SULT6B1: variants seen among roughly 807,000 people sequenced by gnomAD.
The protein encoded by SULT6B1 is sulfotransferase 6B1.
Under a neutral mutation model 37.2 loss-of-function variants are expected in SULT6B1, and 44 were observed. That is an observed-to-expected ratio of 1.18 (90% CI 0.93 to 1.52). The LOEUF is 1.52. SULT6B1 is among the 40% of genes most tolerant of loss of function. SULT6B1 has a pLI of 0.00. For missense variants in SULT6B1, 450 were observed against 361.0 expected (o/e 1.25, Z -2.00); for synonymous variants, 140 against 126.0 (o/e 1.11, Z -0.74).
At chr2:37,171,036 A>G (rs922630550) in intron 6 of SULT6B1, among the ~76,000 whole-genome samples, 1 of 152,174 alleles carries the variant, frequency 6.6e-6, no homozygotes, top group Non-Finnish European at 1.5e-5. Context: ...CAGGAGATCA[A>G]GACCATCCTG....
At chr2:37,189,838 A>G (rs905357778), upstream of SULT6B1, 2 of 152,212 alleles carry the variant, frequency 1.3e-5, no homozygotes, top group African/African-American at 4.8e-5. Flanking sequence ...TGGCTAAAAC[A>G]GTAAGTTGAT....
At chr2:37,170,277 G>A (rs1012353335) in intron 6 of SULT6B1, among the ~76,000 whole-genome samples, 2 of 151,328 alleles carry the variant, frequency 1.3e-5, no homozygotes, top group Non-Finnish European at 2.9e-5. Context: ...GACCAGTCTG[G>A]CCAACATGGT....
In SULT6B1 at chr2:37,188,635, A is replaced by G; in HGVS notation, c.6T>C (p.Ala2=). Residue 2 remains alanine (A), a synonymous_variant, in exon 1 of 7, where the codon GCT becomes GCC. Transcript: ENST00000535679. ...TGTATTCAATAAATTTGGATTTATC[A>G]GCCATGGTGGCTCCCTGTAAAAGAA... is the stretch of plus-strand genomic sequence containing the variant. M[A]DKSKFIEYID... is the part of the protein sequence containing the mutation. 8.3e-7 allele frequency: 1 copy of G among 1,211,622 alleles called. No individual in the cohort carries two copies. Among genetic ancestry groups the G allele is most frequent in the Non-Finnish European group, 1.2e-6 (1 of 827,368 alleles). The allele number at this position is 1,211,622 out of a possible 1,614,324, so 75.1% of individuals were successfully genotyped here.
intron 3 of SULT6B1, 134 bp downstream of exon 3, chr2:37,183,290 CA>C: frequency 2.9e-6 from 2 of 691,244 alleles, no homozygotes; most frequent in Non-Finnish European, 2.4e-6. Context: ...AAGAAAGAAA[CA>C]AAAACAAAAA....
At chr2:37,182,340 G>T (rs1558449345) in intron 3 of SULT6B1, among the ~76,000 whole-genome samples, 1 of 150,966 alleles carries the variant, frequency 6.6e-6, no homozygotes, top group Admixed American at 6.6e-5. Context: ...TGCAACGTCC[G>T]CCTCTCAGAT....
intron 3 of SULT6B1, among the ~76,000 whole-genome samples, chr2:37,181,838 A>C (rs1314604157): frequency 2.0e-5 from 3 of 152,250 alleles, no homozygotes; most frequent in South Asian, 4.1e-4. Flanking sequence ...GGGGGAAATT[A>C]CGTGTTAAAA....
intron 6 of SULT6B1, among the ~76,000 whole-genome samples, chr2:37,169,914 A>G (rs1450280400): frequency 6.6e-6 from 1 of 152,174 alleles, no homozygotes. Flanking sequence ...ACATCTCATT[A>G]TTTCATTATA....
intron 3 of SULT6B1, among the ~76,000 whole-genome samples, chr2:37,181,967 G>C (rs1214020754): frequency 1.3e-5 from 2 of 152,166 alleles, no homozygotes; most frequent in African/African-American, 4.8e-5. Flanking sequence ...TCATGGTCCA[G>C]CTGCTTAGTG....
intron 5 of SULT6B1, among the ~76,000 whole-genome samples, chr2:37,172,179 T>C (rs80053251): frequency 0.023 from 3,540 of 152,248 alleles, 66 homozygotes; most frequent in Middle Eastern, 0.058. Flanking sequence ...GCCTTCTGAA[T>C]AGCTGGGACA....
chr2:37,170,737 C>CAA lies in SULT6B1; in HGVS notation c.781+695_781+696dup, dbSNP rs10617061. 4.0e-3 allele frequency among the ~76,000 whole-genome samples: 380 copies of CAA among 93,964 alleles called. 1 individual carries two copies. Among genetic ancestry groups the CAA allele is most frequent in the African/African-American group, 0.014 (337 of 24,788 alleles). The allele number at this position is 93,964 out of a possible 152,430, so 61.6% of individuals were successfully genotyped here. A position where few individuals can be genotyped will look rare whatever the true frequency, so the allele number is the denominator to read the frequency against. ...TGGGCAACACAGCAAGATTCTGTCTCAAAAAAAAAAAAAAAAAAAAAAACT... is the reference window on the plus strand; with the variant it reads ...TGGGCAACACAGCAAGATTCTGTCTCAAAAAAAAAAAAAAAAAAAAAAAAACT... On this transcript the variant is annotated intron_variant, in intron 6 of 6. Coordinates refer to ENST00000535679, the MANE Select transcript of SULT6B1 (RefSeq NM_001367551.1).
intron 5 of SULT6B1, among the ~76,000 whole-genome samples, chr2:37,172,216 A>G (rs1417161327): frequency 6.6e-6 from 1 of 152,012 alleles, no homozygotes; most frequent in Non-Finnish European, 1.5e-5. Flanking sequence ...ACATCTGGCT[A>G]ATTCTTGTAT....
At chr2:37,181,725 C>A (rs943329409) in intron 3 of SULT6B1, among the ~76,000 whole-genome samples, 41 of 152,126 alleles carry the variant, frequency 2.7e-4, no homozygotes, top group African/African-American at 8.9e-4. Context: ...AAATGTGAAA[C>A]TCTGTTCAAA....
intron 6 of SULT6B1, 37 bp downstream of exon 6, chr2:37,171,397 T>G (rs1676294690): frequency 4.4e-6 from 7 of 1,603,008 alleles, no homozygotes; most frequent in Non-Finnish European, 6.0e-6. Context: ...AGTCAGTCCC[T>G]AACTGATAAC....
chr2:37,190,295 A>G (rs1572468166), upstream of SULT6B1, among the ~76,000 whole-genome samples: 1 of 152,088 alleles, frequency 6.6e-6, no homozygotes, highest in Non-Finnish European at 1.5e-5. Context: ...TGCTTCTTCC[A>G]TTTTTCTAAG....
chr2:37,176,078 G>A (rs921695223), intron 4 of SULT6B1, among the ~76,000 whole-genome samples: 1 of 152,014 alleles, frequency 6.6e-6, no homozygotes, highest in African/African-American at 2.4e-5. Context: ...CTACCACATT[G>A]GACAATGCAG....
At chr2:37,176,451 GGTTTCACCATATT>G (rs1277804899) in intron 4 of SULT6B1, among the ~76,000 whole-genome samples, 1 of 151,784 alleles carries the variant, frequency 6.6e-6, no homozygotes, top group African/African-American at 2.4e-5. Flanking sequence ...GTAGAGACGA[GGTTTCACCATATT>G]GGTCAGGCTG....
At chr2:37,188,399 T>C in intron 1 of SULT6B1, 43 bp downstream of exon 1, 2 of 1,535,644 alleles carry the variant, frequency 1.3e-6, no homozygotes, top group Non-Finnish European at 1.8e-6. Flanking sequence ...CCCAACCTAC[T>C]CACTATGAGA....
At chr2:37,190,083 T>C (rs913558850), upstream of SULT6B1, 3 of 152,240 alleles carry the variant, frequency 2.0e-5, no homozygotes, top group African/African-American at 7.2e-5. Flanking sequence ...TTCATCTTGT[T>C]TGAGCCACTG....
At chr2:37,185,717 CAAAAAAAAAA>C (rs200087048) in intron 2 of SULT6B1, among the ~76,000 whole-genome samples, 2 of 83,372 alleles carry the variant, frequency 2.4e-5, no homozygotes, top group African/African-American at 4.9e-5. Flanking sequence ...GACTCCATTT[CAAAAAAAAAA>C]AAAAAAAAAA....
Sources: gnomAD v4.1 joint callset for allele counts (sites outside exome capture counted in the v4.1 genomes callset) on GRCh38, gnomAD v4.1.1 for gene constraint, MANE v1.5 for transcripts, NCBI Gene and HGNC (gene_info 2026-07-23, HGNC 2026-07-21) for gene names.